Variants in TRIM37 observed in about 807,000 individuals in gnomAD.
TRIM37 encodes the protein E3 ubiquitin-protein ligase TRIM37.
TRIM37 carries 80 observed loss-of-function variants against 129.8 expected under a neutral mutation model. The ratio of observed to expected loss-of-function variants is 0.62; its 90% CI spans 0.51 to 0.74. TRIM37 has a LOEUF of 0.74. Ranked by LOEUF, TRIM37 falls within the 30% of genes least tolerant of loss-of-function variation. The pLI is 0.00. For synonymous variants in TRIM37, 389 were observed against 387.1 expected, an observed-to-expected ratio of 1.00 and a Z score of -0.06; for missense variants, 1,054 against 1,176.5, an observed-to-expected ratio of 0.90 and a Z score of 1.52.
rs1301038516 is a variant in TRIM37, at chr17:59,061,054, C to A, written c.997G>T (p.Ala333Ser). The A allele has an allele frequency of 6.2e-7, 1 of 1,613,542 alleles. No individual in the cohort carries two copies. Among genetic ancestry groups the A allele is most frequent in the South Asian group, 1.1e-5 (1 of 91,064 alleles). ...YYLSVFLELS[A>S]GLPETSKYEY... The stretch of plus-strand genomic sequence containing the variant: ...TACTTAGAAGTTTCAGGCAAGCCAG[C>A]TGAGAGCTCCAGAAACACAGATAAG... Residue 333 changes from alanine to serine, a missense_variant, in exon 12 of 24, where the codon GCT (alanine) becomes TCT (serine). Physicochemically the swap from Ala to Ser is moderately conservative, Grantham distance 99 (BLOSUM62 1). Coordinates refer to ENST00000262294, the MANE Select transcript of TRIM37 (RefSeq NM_015294.6).
Position 59,017,402 on chromosome 17 carries a change from C to A in TRIM37, c.2280G>T (p.Ser760=). 1 of 1,613,916 alleles carries A rather than the reference C, an allele frequency of 6.2e-7. No homozygotes were observed. Among genetic ancestry groups the A allele is most frequent in the East Asian group, 2.2e-5 (1 of 44,856 alleles). Residue 760 remains serine (S), a synonymous_variant, in exon 20 of 24, where the codon TCG becomes TCT. Transcript: ENST00000262294. ...IRNSTNKKSN[S]PKPARSSVAG... ...CTACACTGGATCGAGCTGGCTTGGG[C>A]GAATTACTCTTCTTATTTGTGGCTG... is the stretch of plus-strand genomic sequence containing the variant.
At chr17:58,992,928 A>G (rs1418757865) in intron 24 of TRIM37, among the ~76,000 whole-genome samples, 1 of 152,170 alleles carries the variant, frequency 6.6e-6, no homozygotes, top group Non-Finnish European at 1.5e-5. Flanking sequence ...GACAAAGGCC[A>G]GACAAATTCT....
Position 58,998,501 on chromosome 17 carries a change from T to C in TRIM37, c.*876A>G. 1 of 985,440 alleles carries C rather than the reference T, an allele frequency of 1.0e-6. No homozygotes were observed. The highest frequency in any genetic ancestry group is 1.7e-5 in the African/African-American group (1 of 57,380). The allele number at this position is 985,440 out of a possible 1,614,324, so 61.0% of individuals were successfully genotyped here. A position where few individuals can be genotyped will look rare whatever the true frequency, so the allele number is the denominator to read the frequency against. ...TAATTATGAGTATGAAAGAAAACCT[T>C]ATATCACAGTTTCACGTTCATGTAA... On this transcript the variant is annotated 3_prime_UTR_variant, in exon 24 of 24. Transcript: ENST00000262294.
intron 6 of TRIM37, among the ~76,000 whole-genome samples, chr17:59,080,574 C>T (rs530410809): frequency 9.9e-5 from 15 of 152,152 alleles, no homozygotes; most frequent in Non-Finnish European, 2.1e-4. Context: ...AGGTGGATCA[C>T]GACGTCAGGA....
chr17:59,058,061 C>A (rs932332709), intron 12 of TRIM37, among the ~76,000 whole-genome samples: 111 of 152,194 alleles, frequency 7.3e-4, no homozygotes, highest in African/African-American at 2.5e-3. Flanking sequence ...TGAGGTTTAT[C>A]ACCTTGCAAT....
At chr17:58,995,026 G>A (rs1247247593), downstream of TRIM37, among the ~76,000 whole-genome samples, 2 of 152,080 alleles carry the variant, frequency 1.3e-5, no homozygotes, top group Non-Finnish European at 2.9e-5. Flanking sequence ...TGGGATTACA[G>A]GCATGAGCCA....
intron 12 of TRIM37, among the ~76,000 whole-genome samples, chr17:59,057,998 C>T (rs989395976): frequency 2.6e-5 from 4 of 151,934 alleles, no homozygotes; most frequent in African/African-American, 9.7e-5. Context: ...ATATTTTTTC[C>T]ATATATTCAC....
intron 11 of TRIM37, 65 bp downstream of exon 11, chr17:59,062,502 T>C: frequency 7.8e-7 from 1 of 1,277,260 alleles, no homozygotes; most frequent in Non-Finnish European, 1.1e-6. Flanking sequence ...ATCAAATTAG[T>C]ATACTACAGA....
chr17:59,105,345 T>C (rs982438490), intron 1 of TRIM37, among the ~76,000 whole-genome samples: 2 of 152,174 alleles, frequency 1.3e-5, no homozygotes, highest in Non-Finnish European at 2.9e-5. Context: ...CCTGAGATTC[T>C]GCCCCAATTG....
At chr17:58,968,731 A>C in the TRIM37 span, among the ~76,000 whole-genome samples, 2 of 152,276 alleles carry the variant, frequency 1.3e-5, no homozygotes, top group South Asian at 4.1e-4. Flanking sequence ...ACACTTGAGC[A>C]GATGATAAAG....
chr17:59,015,565 C>T lies in TRIM37; in HGVS notation c.2576+45G>A, dbSNP rs2035819615. 3 of 1,582,226 alleles carry T rather than the reference C, an allele frequency of 1.9e-6. No homozygotes were observed. In the East Asian group the frequency reaches 6.7e-5, roughly 35 times the overall value. On this transcript the variant is annotated intron_variant, in intron 21 of 23. Transcript: ENST00000262294. ...TGCATACTTAAAGTTCCAAACAAAG[C>T]TATTAGCTATTATACCATTACATAT...
At chr17:58,990,112 G>A (rs185548665) in intron 24 of TRIM37, among the ~76,000 whole-genome samples, 185 of 141,440 alleles carry the variant, frequency 1.3e-3, no homozygotes, top group Non-Finnish European at 1.8e-3. Flanking sequence ...CAGGAGGGTT[G>A]AGGCTGCAGT....
At chr17:58,967,799 A>C in the TRIM37 span, among the ~76,000 whole-genome samples, 95,047 of 148,364 alleles carry the variant, frequency 0.64, 30,657 homozygotes, top group African/African-American at 0.72. Flanking sequence ...AGCATTCTTT[A>C]TTTCTTTTTT....
At chr17:59,000,708 G>A (rs572053274) in intron 23 of TRIM37, among the ~76,000 whole-genome samples, 2 of 152,214 alleles carry the variant, frequency 1.3e-5, no homozygotes, top group East Asian at 1.9e-4. Flanking sequence ...TTGGGGGTAG[G>A]AGGGAATAAA....
chr17:59,106,774 G>A lies in TRIM37; in HGVS notation c.-313C>T. 1 of 553,928 alleles carries A rather than the reference G, an allele frequency of 1.8e-6. No homozygotes were observed. The highest frequency in any genetic ancestry group is 2.1e-5 in the South Asian group (1 of 47,254). The allele number at this position is 553,928 out of a possible 1,614,324, so 34.3% of individuals were successfully genotyped here. A position where few individuals can be genotyped will look rare whatever the true frequency, so the allele number is the denominator to read the frequency against. Reference sequence around the variant, plus strand: ...ACCTCGGCCCACGTGACGCGGGCGCGCGCCTATGGAACTGACGGTGGAGTT... The same window carrying A: ...ACCTCGGCCCACGTGACGCGGGCGCACGCCTATGGAACTGACGGTGGAGTT... On this transcript the variant is annotated 5_prime_UTR_variant, in exon 1 of 24. Transcript: ENST00000262294.
intron 7 of TRIM37, among the ~76,000 whole-genome samples, chr17:59,079,461 G>A (rs989734071): frequency 9.9e-5 from 15 of 152,142 alleles, no homozygotes; most frequent in African/African-American, 3.6e-4. Context: ...ATTAGTAGAA[G>A]GAATTCTGTT....
At chr17:59,046,540 G>T (rs1189420664) in intron 16 of TRIM37, among the ~76,000 whole-genome samples, 12 of 131,890 alleles carry the variant, frequency 9.1e-5, no homozygotes, top group East Asian at 2.3e-4. Flanking sequence ...ATGAAAAACA[G>T]TTTTTTTTTT....
Position 59,091,330 on chromosome 17 carries a change from G to C in TRIM37, c.134C>G (p.Thr45Arg), listed in dbSNP as rs751049971. 5.7e-6 allele frequency: 9 copies of C among 1,572,222 alleles called. No individual in the cohort carries two copies. The South Asian group carries it at 1.0e-4, about 18-fold the overall frequency. The change falls in exon 3 of 24, where the codon ACA becomes AGA. Residue 45 changes from threonine to arginine, a missense_variant. Physicochemically the swap from Thr to Arg is moderately conservative, Grantham distance 71. Coordinates refer to ENST00000262294, the MANE Select transcript of TRIM37 (RefSeq NM_015294.6). ...CCFSCIRRWL[T>R]EQRAQCPHCR... is the part of the protein sequence containing the mutation. ...ATGAGGACATTGAGCTCTCTGCTCT[G>C]TCAGCCAGCGCTAAGGGGGCAAAAG...
intron 9 of TRIM37, among the ~76,000 whole-genome samples, chr17:59,069,039 A>G (rs1236680329): frequency 6.6e-6 from 1 of 152,164 alleles, no homozygotes; most frequent in African/African-American, 2.4e-5. Flanking sequence ...CCTGGCTTAT[A>G]TGATATACTC....
Sources: allele counts gnomAD v4.1 joint callset (sites outside exome capture counted in the v4.1 genomes callset), GRCh38; gene constraint gnomAD v4.1.1; transcripts MANE v1.5; gene names NCBI Gene and HGNC (gene_info 2026-07-23, HGNC 2026-07-21).